The following CREB5 variants were observed in gnomAD, a reference collection of about 807,000 sequenced individuals.
The protein encoded by CREB5 is cAMP responsive element binding protein 5.
Under a neutral mutation model 57.1 loss-of-function variants are expected in CREB5, and 19 were observed. That is an observed-to-expected ratio of 0.33 (90% CI 0.23 to 0.49). CREB5 has a LOEUF of 0.49. Among genes scored for constraint, CREB5 ranks in the 20% least tolerant of loss-of-function variants. The pLI is 0.99. For missense variants in CREB5, 579 were observed against 671.6 expected, an observed-to-expected ratio of 0.86 and a Z score of 1.52; for synonymous variants, 238 against 238.3, an observed-to-expected ratio of 1.00 and a Z score of 0.01.
chr7:28,394,691 T>G (rs1184520271), intron 1 of CREB5, among the ~76,000 whole-genome samples: 1 of 152,168 alleles, frequency 6.6e-6, no homozygotes, highest in African/African-American at 2.4e-5. Context: ...AAATTTCCCC[T>G]ACATTTGACA....
intron 5 of CREB5, among the ~76,000 whole-genome samples, chr7:28,595,723 G>A (rs141999462): frequency 7.0e-4 from 106 of 152,302 alleles, no homozygotes; most frequent in Non-Finnish European, 1.3e-3. Flanking sequence ...ATGGAAATGG[G>A]TCTGGCTTAT....
chr7:28,577,937 C>T (rs538787196), intron 5 of CREB5, among the ~76,000 whole-genome samples: 13 of 152,206 alleles, frequency 8.5e-5, no homozygotes, highest in African/African-American at 2.2e-4. Context: ...GGCTTATTTT[C>T]GGAGCTTTAA....
intron 5 of CREB5, among the ~76,000 whole-genome samples, chr7:28,694,238 CA>C (rs1328806562): frequency 1.3e-5 from 2 of 152,170 alleles, no homozygotes; most frequent in African/African-American, 4.8e-5. Flanking sequence ...ATCATAATAA[CA>C]GCAATTATAA....
At chr7:28,668,454 T>C (rs966415724) in intron 5 of CREB5, among the ~76,000 whole-genome samples, 11 of 152,198 alleles carry the variant, frequency 7.2e-5, no homozygotes, top group African/African-American at 2.7e-4. Flanking sequence ...CAGAATCCTA[T>C]TTTAATTATG....
intron 1 of CREB5, among the ~76,000 whole-genome samples, chr7:28,336,728 A>T (rs1785830034): frequency 1.3e-5 from 2 of 151,100 alleles, no homozygotes; most frequent in African/African-American, 4.9e-5. Context: ...CTTTCCTTCT[A>T]CTAATTTTGG....
chr7:28,395,413 G>A (rs2127998623), intron 1 of CREB5, among the ~76,000 whole-genome samples: 1 of 152,296 alleles, frequency 6.6e-6, no homozygotes, highest in South Asian at 2.1e-4. Context: ...CAAAGAAAAG[G>A]AAGAAAGAGA....
chr7:28,800,758 G>T (rs955612982), intron 7 of CREB5, among the ~76,000 whole-genome samples: 2 of 152,138 alleles, frequency 1.3e-5, no homozygotes, highest in Admixed American at 1.3e-4. Context: ...ACACTTGCAC[G>T]TGGCCATTGC....
intron 7 of CREB5, among the ~76,000 whole-genome samples, chr7:28,732,745 C>T (rs1477669936): frequency 8.3e-5 from 11 of 131,870 alleles, no homozygotes; most frequent in African/African-American, 2.7e-4. Context: ...TTGTGGGAAG[C>T]ACAGAAGATC....
At chr7:28,324,916 A>G (rs1178941187) in intron 1 of CREB5, among the ~76,000 whole-genome samples, 1 of 152,234 alleles carries the variant, frequency 6.6e-6, no homozygotes, top group Non-Finnish European at 1.5e-5. Context: ...CCAAAAATCT[A>G]GGAACTATCT....
chr7:28,603,478 C>A (rs1314824468), intron 5 of CREB5, among the ~76,000 whole-genome samples: 1 of 152,104 alleles, frequency 6.6e-6, no homozygotes, highest in African/African-American at 2.4e-5. Flanking sequence ...CGTACCAGCT[C>A]CCCATCACTA....
intron 7 of CREB5, among the ~76,000 whole-genome samples, chr7:28,770,759 T>C (rs1286434791): frequency 5.3e-5 from 8 of 152,192 alleles, no homozygotes; most frequent in Non-Finnish European, 8.8e-5. Flanking sequence ...TTAAAAAATA[T>C]ATATGTGGTG....
In CREB5 at chr7:28,435,943, G is replaced by A. The variant is rs947419495; in HGVS notation, c.3+23026G>A. Among the ~76,000 whole-genome samples the A allele has an allele frequency of 4.6e-5, 7 of 152,120 alleles. No individual in the cohort carries two copies. In the South Asian group the frequency reaches 1.0e-3, roughly 23 times the overall value. On this transcript the variant is annotated intron_variant, in intron 1 of 10. Coordinates refer to ENST00000357727, the MANE Select transcript of CREB5 (RefSeq NM_182898.4). ...TTTATATAAGAGGATTTGAGGAAGC[G>A]ACCTGGGTGTAACATTTCTCTGTCC... is the stretch of plus-strand genomic sequence containing the variant.
intron 5 of CREB5, among the ~76,000 whole-genome samples, chr7:28,661,245 C>G (rs1472190779): frequency 6.6e-6 from 1 of 152,156 alleles, no homozygotes; most frequent in East Asian, 1.9e-4. Flanking sequence ...AAGCCCCATT[C>G]CTAGTTGTCC....
At chr7:28,425,900 A>G (rs1044735393) in intron 1 of CREB5, among the ~76,000 whole-genome samples, 5 of 152,308 alleles carry the variant, frequency 3.3e-5, no homozygotes, top group African/African-American at 1.2e-4. Context: ...AAATTGTTCA[A>G]ACACAAACTC....
At chr7:28,309,354 C>A (rs1205612786) in intron 1 of CREB5, among the ~76,000 whole-genome samples, 2 of 152,194 alleles carry the variant, frequency 1.3e-5, no homozygotes, top group Admixed American at 1.3e-4. Context: ...ACCTAGAACA[C>A]CCGCTCACAG....
intron 7 of CREB5, among the ~76,000 whole-genome samples, chr7:28,761,549 G>A (rs1442059902): frequency 6.6e-6 from 1 of 152,168 alleles, no homozygotes; most frequent in East Asian, 1.9e-4. Flanking sequence ...TATCCAATTA[G>A]ATTTAAACTC....
At chr7:28,365,529 C>T (rs1362991188) in intron 1 of CREB5, among the ~76,000 whole-genome samples, 1 of 152,184 alleles carries the variant, frequency 6.6e-6, no homozygotes, top group Non-Finnish European at 1.5e-5. Flanking sequence ...TTCTCTTGAT[C>T]CCATCTACTC....
chr7:28,464,142 C>T (rs536095025), intron 1 of CREB5, among the ~76,000 whole-genome samples: 1 of 152,148 alleles, frequency 6.6e-6, no homozygotes, highest in Non-Finnish European at 1.5e-5. Flanking sequence ...GATTGGTTTT[C>T]AGATACTAAG....
At chr7:28,355,659 C>G (rs1466819060) in intron 1 of CREB5, among the ~76,000 whole-genome samples, 2 of 152,160 alleles carry the variant, frequency 1.3e-5, no homozygotes, top group Non-Finnish European at 2.9e-5. Context: ...TTCGCATGTA[C>G]AGCATACCCA....
Sources: gnomAD v4.1 joint callset for allele counts (sites outside exome capture counted in the v4.1 genomes callset) on GRCh38, gnomAD v4.1.1 for gene constraint, MANE v1.5 for transcripts, NCBI Gene and HGNC (gene_info 2026-07-23, HGNC 2026-07-21) for gene names.